The following ADAMTSL4 variants were observed in gnomAD, a reference collection of about 807,000 sequenced individuals.
The protein encoded by ADAMTSL4 is ADAMTS like 4.
In ADAMTSL4, 97 loss-of-function variants were observed where a neutral mutation model predicts 122.8. The ratio of observed to expected loss-of-function variants is 0.79; its 90% CI spans 0.67 to 0.93. The LOEUF (loss-of-function observed/expected upper bound fraction) is 0.93. ADAMTSL4 is among the 40% of genes least tolerant of loss of function. The probability of loss-of-function intolerance (pLI) is 0.00; values close to 1 mark genes in which losing one functional copy is unlikely to be tolerated. For synonymous variants in ADAMTSL4, 592 were observed against 568.0 expected (o/e 1.04, Z -0.60); for missense variants, 1,408 against 1,453.5 (o/e 0.97, Z 0.51).
At chr1:150,555,741 A>G (rs1672008440) in intron 8 of ADAMTSL4, among the ~76,000 whole-genome samples, 176 bp downstream of exon 8, 1 of 151,468 alleles carries the variant, frequency 6.6e-6, no homozygotes, top group South Asian at 2.1e-4. Flanking sequence ...ACGCACACAC[A>G]CGCATATGCA....
chr1:150,555,731 A>ATG (rs1223569870), intron 8 of ADAMTSL4, among the ~76,000 whole-genome samples, 166 bp downstream of exon 8: 7 of 149,244 alleles, frequency 4.7e-5, no homozygotes, highest in African/African-American at 1.3e-4. Flanking sequence ...ACACACACAC[A>ATG]CGCACACACA....
In ADAMTSL4 at chr1:150,552,862, T is replaced by C; in HGVS notation, c.79-36T>C. On this transcript the variant is annotated intron_variant, in intron 4 of 18. Transcript: ENST00000271643. The surrounding 1 kb of genome is among the most constrained non-coding windows in gnomAD (Gnocchi z 4.0). ...GGACACTCTGGACAGTTCCCTCTAA[T>C]CCTTCCAATTCTGTCTGACCTTTTT... 6.3e-7 allele frequency: 1 copy of C among 1,596,936 alleles called. No individual in the cohort carries two copies. Among genetic ancestry groups the C allele is most frequent in the Non-Finnish European group, 8.6e-7 (1 of 1,169,538 alleles).
At position 150,556,489 on chromosome 1, in the gene ADAMTSL4, G is replaced by C. The variant is rs1672136427; in HGVS notation, c.1576+123G>C. On this transcript the variant is annotated intron_variant, in intron 9 of 18. Coordinates refer to ENST00000271643, the MANE Select transcript of ADAMTSL4 (RefSeq NM_019032.6). This position sits in a 1 kb window ranked among gnomAD's most constrained non-coding sequence, Gnocchi z 4.1. The stretch of plus-strand genomic sequence containing the variant: ...GGCCTAGCCCCTCCCCTCGTGGAAG[G>C]AGTGAGGAAGCTGAGAGGGCTTGGG... 5.8e-6 allele frequency: 9 copies of C among 1,565,124 alleles called. No homozygotes were observed. The South Asian group carries it at 1.0e-4, about 18-fold the overall frequency.
Position 150,553,446 on chromosome 1 carries a change from T to C in ADAMTSL4, c.455T>C (p.Ile152Thr), listed in dbSNP as rs746798490. 3.7e-6 allele frequency: 6 copies of C among 1,613,776 alleles called. No individual in the cohort carries two copies. The South Asian group carries it at 6.6e-5, about 18-fold the overall frequency. Reference protein sequence around the residue: ...AARRSRLRDPIKPGMFGYGRV... With the variant: ...AARRSRLRDPTKPGMFGYGRV... ...CTCAGGTCCCGGCTTCGAGACCCCATCAAGCCAGGAATGTTCGGTTATGGG... is the reference window on the plus strand; with the variant it reads ...CTCAGGTCCCGGCTTCGAGACCCCACCAAGCCAGGAATGTTCGGTTATGGG... The change falls in exon 6 of 19, where the codon ATC becomes ACC. Residue 152 changes from isoleucine (I) to threonine (T), a missense_variant. Transcript: ENST00000271643.
At chr1:150,555,647 A>G in intron 8 of ADAMTSL4, 82 bp downstream of exon 8, 1 of 1,580,724 alleles carries the variant, frequency 6.3e-7, no homozygotes, top group Non-Finnish European at 8.6e-7. Flanking sequence ...ACATGTACAC[A>G]CATATGTATG....
In ADAMTSL4 at chr1:150,556,273, G is replaced by A. The variant is rs139551885; in HGVS notation, c.1483G>A (p.Gly495Arg). The A allele has an allele frequency of 3.8e-5, 62 of 1,614,014 alleles. No individual in the cohort carries two copies. In the African/African-American group the frequency reaches 7.5e-4, roughly 19 times the overall value. The change falls in exon 9 of 19, where the codon GGG (glycine) becomes AGG (arginine). Residue 495 changes from glycine to arginine, a missense_variant. Physicochemically the swap from Gly to Arg is moderately radical, Grantham distance 125. Coordinates refer to ENST00000271643, the MANE Select transcript of ADAMTSL4 (RefSeq NM_019032.6). The surrounding 1 kb of genome is among the most constrained non-coding windows in gnomAD (Gnocchi z 4.1). ...TGTTTCGGGGAACCTCACTGACCGA[G>A]GGGGCCCCCTGGGCTATCAGAAGAT... ...RLVSGNLTDR[G>R]GPLGYQKILW...
rs372837755 is a variant in ADAMTSL4 at position 150,556,697 on chromosome 1, C to T, written c.1653C>T (p.Gly551=). ...AVDPPGSYRA[G]GTVFRYNRPP... is the part of the protein sequence containing the mutation. ...ATCCCCCTGGGTCCTACAGGGCCGG[C>T]GGGACCGTCTTTCGATATAACCGTC... Residue 551 remains glycine (G), a synonymous_variant, in exon 10 of 19, where the codon GGC becomes GGT. Coordinates refer to ENST00000271643, the MANE Select transcript of ADAMTSL4 (RefSeq NM_019032.6). This position sits in a 1 kb window ranked among gnomAD's most constrained non-coding sequence, Gnocchi z 4.1. 59 of 1,613,964 alleles carry T rather than the reference C, an allele frequency of 3.7e-5. No homozygotes were observed. Among genetic ancestry groups the T allele is most frequent in the African/African-American group, 1.2e-4 (9 of 74,998 alleles).
intron 15 of ADAMTSL4, 44 bp from the exon 16 acceptor site, chr1:150,558,918 G>T (rs1049806288): frequency 4.5e-6 from 7 of 1,564,946 alleles, no homozygotes; most frequent in South Asian, 1.2e-5. Flanking sequence ...CCTTGTGCCA[G>T]TCACCAGCAG....
At chr1:150,557,791 C>A (rs965241928) in intron 13 of ADAMTSL4, 154 bp from the exon 14 acceptor site, 1 of 1,094,060 alleles carries the variant, frequency 9.1e-7, no homozygotes, top group Non-Finnish European at 1.2e-6. Flanking sequence ...CCATGGCAGG[C>A]TGAGCCCCCC....
In ADAMTSL4 at chr1:150,553,785, C is replaced by T. The variant is rs759041116; in HGVS notation, c.794C>T (p.Pro265Leu). 9.9e-6 allele frequency: 16 copies of T among 1,613,922 alleles called. No homozygotes were observed. In the Admixed American group the frequency reaches 2.3e-4, roughly 24 times the overall value. ...AQASGTEPPS[P>L]THSLGEGGFF... ...GCCTCTGGCACAGAGCCCCCCTCAC[C>T]CACGCACTCCTTAGGAGAAGGTGGC... is the stretch of plus-strand genomic sequence containing the variant. Residue 265 changes from proline (P) to leucine (L), a missense_variant, in exon 6 of 19, where the codon CCC becomes CTC. By Grantham distance (98) the Pro-to-Leu change is moderately conservative. Coordinates refer to ENST00000271643, the MANE Select transcript of ADAMTSL4 (RefSeq NM_019032.6).
chr1:150,555,754 CACATGCACAT>C (rs1304042594), intron 8 of ADAMTSL4, among the ~76,000 whole-genome samples, 189 bp downstream of exon 8: 1 of 151,934 alleles, frequency 6.6e-6, no homozygotes, highest in Non-Finnish European at 1.5e-5. Context: ...CATATGCACA[CACATGCACAT>C]GCATATGCAG....
Position 150,556,280 on chromosome 1 carries a change from C to T in ADAMTSL4, c.1490C>T (p.Pro497Leu). ...VSGNLTDRGG[P>L]LGYQKILWIP... The stretch of plus-strand genomic sequence containing the variant: ...GGGAACCTCACTGACCGAGGGGGCC[C>T]CCTGGGCTATCAGAAGATCTTGTGG... The change falls in exon 9 of 19, where the codon CCC becomes CTC. Residue 497 changes from proline (P) to leucine (L), a missense_variant. By Grantham distance (98) the Pro-to-Leu change is moderately conservative. Coordinates refer to ENST00000271643, the MANE Select transcript of ADAMTSL4 (RefSeq NM_019032.6). The surrounding 1 kb of genome is among the most constrained non-coding windows in gnomAD (Gnocchi z 4.1). The T allele has an allele frequency of 6.2e-7, 1 of 1,614,124 alleles. No homozygotes were observed. The highest frequency in any genetic ancestry group is 1.3e-5 in the African/African-American group (1 of 75,040).
In ADAMTSL4 at chr1:150,552,597, G is replaced by A. The variant is rs771686014; in HGVS notation, c.75G>A (p.Gln25=). Residue 25 remains glutamine, a synonymous_variant, in exon 4 of 19, where the codon CAG becomes CAA. Coordinates refer to ENST00000271643, the MANE Select transcript of ADAMTSL4 (RefSeq NM_019032.6). This position sits in a 1 kb window ranked among gnomAD's most constrained non-coding sequence, Gnocchi z 4.0. ...CCCTCCCTCAGCTCTGCTTGGATCA[G>A]GAGGTGAGTTCTGGACAAGTGAGCA... ...LLSLPQLCLD[Q]EVLSGHSLQT... is the part of the protein sequence containing the mutation. 5 of 1,613,748 alleles carry A rather than the reference G, an allele frequency of 3.1e-6. No homozygotes were observed. Among genetic ancestry groups the A allele is most frequent in the Non-Finnish European group, 4.2e-6 (5 of 1,179,922 alleles).
In ADAMTSL4 at chr1:150,557,050, G is replaced by A. The variant is rs757815493; in HGVS notation, c.1861G>A (p.Glu621Lys). The A allele has an allele frequency of 1.2e-6, 2 of 1,613,570 alleles. No individual in the cohort carries two copies. The highest frequency in any genetic ancestry group is 1.7e-6 in the Non-Finnish European group (2 of 1,179,596). The change falls in exon 11 of 19, where the codon GAG (glutamate) becomes AAG (lysine). Residue 621 changes from glutamate to lysine, a missense_variant and splice_region_variant. By Grantham distance (56) the Glu-to-Lys change is moderately conservative (BLOSUM62 1). Transcript: ENST00000271643. ...GCCCCCTGTCCCCCAGCTTCAGCCG[G>A]GTAAGACTCTGACCCCTGCACTTGG... ...PEPPVPQLQP[E>K]ILRVEPPLAP... is the part of the protein sequence containing the mutation.
Position 150,549,982 on chromosome 1 carries a change from G to A in ADAMTSL4, c.-85+87G>A. On this transcript the variant is annotated intron_variant, in intron 2 of 18. Transcript: ENST00000271643. The surrounding 1 kb of genome is among the most constrained non-coding windows in gnomAD (Gnocchi z 5.0). ...CTGTTGGGGTGGCCTGCCAGACCCA[G>A]GAGTGGAGGGCTCTGAGGGCCCGGG... 4.5e-6 allele frequency: 1 copy of A among 221,436 alleles called. No homozygotes were observed. The highest frequency in any genetic ancestry group is 1.0e-5 in the Non-Finnish European group (1 of 98,894). The allele number at this position is 221,436 out of a possible 1,614,324, so 13.7% of individuals were successfully genotyped here. A position where few individuals can be genotyped will look rare whatever the true frequency, so the allele number is the denominator to read the frequency against.
rs775068866 is a variant in ADAMTSL4 at position 150,557,965 on chromosome 1, C to T, written c.2198C>T (p.Thr733Ile). 5.5e-5 allele frequency: 89 copies of T among 1,608,940 alleles called. No homozygotes were observed. Among genetic ancestry groups the T allele is most frequent in the Admixed American group, 2.0e-4 (12 of 59,980 alleles). The change falls in exon 14 of 19, where the codon ACA becomes ATA. Residue 733 changes from threonine to isoleucine, a missense_variant. Physicochemically the swap from Thr to Ile is moderately conservative, Grantham distance 89. Coordinates refer to ENST00000271643, the MANE Select transcript of ADAMTSL4 (RefSeq NM_019032.6). The stretch of plus-strand genomic sequence containing the variant: ...TGCAGCTGGGAGGCTGGCGAGTGGA[C>T]ATCCTGCAGCCGCTCCTGTGGCCCC... Reference protein sequence around the residue: ...CPPYWEAGEWTSCSRSCGPGT... With the variant: ...CPPYWEAGEWISCSRSCGPGT...
Position 150,555,431 on chromosome 1 carries a change from CAGGGCTCCCAGCGCTGTG to C in ADAMTSL4, c.1239_1256del (p.Gly414_Glu419del). The C allele has an allele frequency of 6.2e-7, 1 of 1,614,116 alleles. No individual in the cohort carries two copies. The highest frequency in any genetic ancestry group is 1.1e-5 in the South Asian group (1 of 91,076). ...CACCCTTCTACCCTGTCCCTTAGTC[CAGGGCTCCCAGCGCTGTG>C]AACTGAACTGCCGGCCCCGTGGCTT... On this transcript the variant is annotated inframe_deletion, in exon 8 of 19. Transcript: ENST00000271643.
Position 150,553,549 on chromosome 1 carries a change from C to T in ADAMTSL4, c.558C>T (p.Ile186=). 1 of 1,613,928 alleles carries T rather than the reference C, an allele frequency of 6.2e-7. No individual in the cohort carries two copies. Among genetic ancestry groups the T allele is most frequent in the South Asian group, 1.1e-5 (1 of 91,078 alleles). The part of the protein sequence containing the change: ...RSPPRSELSL[I]SSRGEEAIPS... ...CACCCAGATCTGAGCTGTCCCTGATCTCTTCTAGAGGGGAAGAGGCTATTC... is the reference window on the plus strand; with the variant it reads ...CACCCAGATCTGAGCTGTCCCTGATTTCTTCTAGAGGGGAAGAGGCTATTC... The change falls in exon 6 of 19, where the codon ATC becomes ATT. Residue 186 remains isoleucine, a synonymous_variant. Coordinates refer to ENST00000271643, the MANE Select transcript of ADAMTSL4 (RefSeq NM_019032.6).
rs113313533 is a variant in ADAMTSL4 at position 150,558,766 on chromosome 1, A to G, written c.2559+117A>G. On this transcript the variant is annotated intron_variant, in intron 15 of 18. Coordinates refer to ENST00000271643, the MANE Select transcript of ADAMTSL4 (RefSeq NM_019032.6). ...TGATCAAGCGCCTGCTATATGCCTG[A>G]CCCTGGGAACTCAGAGATAAGTGAG... 573 of 1,574,710 alleles carry G rather than the reference A, an allele frequency of 3.6e-4. 2 individuals carry two copies. In the African/African-American group the frequency reaches 6.9e-3, roughly 19 times the overall value.
Sources: allele counts gnomAD v4.1 joint callset (sites outside exome capture counted in the v4.1 genomes callset), GRCh38; gene constraint gnomAD v4.1.1; non-coding constraint Gnocchi (gnomAD v3.1); transcripts MANE v1.5; gene names NCBI Gene and HGNC (gene_info 2026-07-23, HGNC 2026-07-21).